Variants in ENTREP2 observed in about 807,000 individuals in gnomAD.
ENTREP2 encodes the protein protein ENTREP2.
chr15:29,674,974 C>G, the ENTREP2 span: 2 of 153,364 alleles, frequency 1.3e-5, no homozygotes, highest in African/African-American at 4.8e-5. Context: ...CTTCCCCTCT[C>G]CGCCACCCCG....
At chr15:29,574,552 G>C in the ENTREP2 span, among the ~76,000 whole-genome samples, 5 of 152,122 alleles carry the variant, frequency 3.3e-5, no homozygotes, top group Non-Finnish European at 7.4e-5. Flanking sequence ...TTGGCCTCCC[G>C]AAGTACTGGG....
At chr15:29,508,051 A>T in the ENTREP2 span, among the ~76,000 whole-genome samples, 1 of 152,182 alleles carries the variant, frequency 6.6e-6, no homozygotes, top group East Asian at 1.9e-4. Context: ...ACACAATAAA[A>T]AATGATAAAG....
the ENTREP2 span, among the ~76,000 whole-genome samples, chr15:29,516,539 G>C: frequency 2.0e-5 from 3 of 151,932 alleles, no homozygotes; most frequent in African/African-American, 7.3e-5. Flanking sequence ...TAAAAACTTG[G>C]ACAAGAAGAA....
chr15:29,430,638 A>T, the ENTREP2 span, among the ~76,000 whole-genome samples: 1 of 151,550 alleles, frequency 6.6e-6, no homozygotes, highest in South Asian at 2.1e-4. Flanking sequence ...CAACAGAGTG[A>T]GACTCCATCT....
the ENTREP2 span, chr15:29,269,397 C>T: frequency 3.1e-6 from 5 of 1,614,180 alleles, no homozygotes; most frequent in South Asian, 5.5e-5. Flanking sequence ...TGATCGGAAT[C>T]TTCTTCTGGT....
chr15:29,448,532 T>C, the ENTREP2 span, among the ~76,000 whole-genome samples: 5 of 152,338 alleles, frequency 3.3e-5, no homozygotes, highest in Admixed American at 3.3e-4. Context: ...TTCTACAGTG[T>C]CCTAGTACTG....
chr15:29,201,290 C>T, the ENTREP2 span, among the ~76,000 whole-genome samples: 1 of 152,086 alleles, frequency 6.6e-6, no homozygotes, highest in African/African-American at 2.4e-5. Context: ...ACTACATTGG[C>T]TTGAAATTAC....
the ENTREP2 span, among the ~76,000 whole-genome samples, chr15:29,416,972 G>A: frequency 1.1e-4 from 17 of 152,100 alleles, no homozygotes; most frequent in Admixed American, 2.0e-4. Flanking sequence ...TTAGGATGGC[G>A]ATCATTAAAA....
chr15:29,495,722 T>C, the ENTREP2 span, among the ~76,000 whole-genome samples: 1 of 152,196 alleles, frequency 6.6e-6, no homozygotes, highest in Non-Finnish European at 1.5e-5. Context: ...TGACCATATA[T>C]GCATGGGTTT....
chr15:29,415,065 C>A, the ENTREP2 span, among the ~76,000 whole-genome samples: 1 of 152,240 alleles, frequency 6.6e-6, no homozygotes, highest in South Asian at 2.1e-4. Flanking sequence ...CCGAATTCTA[C>A]CAGAGGTACA....
chr15:29,347,344 A>AT, the ENTREP2 span, among the ~76,000 whole-genome samples: 2 of 151,794 alleles, frequency 1.3e-5, no homozygotes, highest in East Asian at 3.9e-4. Context: ...ATTTTATTTT[A>AT]TTTTTTATAG....
the ENTREP2 span, among the ~76,000 whole-genome samples, chr15:29,381,009 TC>T: frequency 1.3e-5 from 2 of 151,470 alleles, no homozygotes; most frequent in Admixed American, 6.6e-5. Context: ...CCGCCAACAT[TC>T]CCCGGCTAAT....
chr15:29,449,537 A>G, the ENTREP2 span, among the ~76,000 whole-genome samples: 1 of 152,252 alleles, frequency 6.6e-6, no homozygotes, highest in Admixed American at 6.5e-5. Flanking sequence ...CCTTTATAGG[A>G]CAAAAACCTC....
the ENTREP2 span, among the ~76,000 whole-genome samples, chr15:29,125,479 C>G: frequency 6.6e-6 from 1 of 152,116 alleles, no homozygotes; most frequent in Non-Finnish European, 1.5e-5. Flanking sequence ...TTCAGGGACT[C>G]GGTTCCGGGC....
chr15:29,134,254 A>G, the ENTREP2 span, among the ~76,000 whole-genome samples: 3 of 152,292 alleles, frequency 2.0e-5, no homozygotes, highest in East Asian at 5.8e-4. Context: ...GAACATCTCC[A>G]TTACTGCCAG....
the ENTREP2 span, among the ~76,000 whole-genome samples, chr15:29,205,941 C>T: frequency 6.6e-6 from 1 of 152,190 alleles, no homozygotes; most frequent in Non-Finnish European, 1.5e-5. Flanking sequence ...CAGAGGTAAG[C>T]ATCTCACTTG....
chr15:29,167,556 A>T, the ENTREP2 span, among the ~76,000 whole-genome samples: 3 of 152,206 alleles, frequency 2.0e-5, no homozygotes, highest in African/African-American at 7.2e-5. Context: ...GCCAACAAAC[A>T]TATGAAAAAA....
chr15:29,503,216 G>C, the ENTREP2 span, among the ~76,000 whole-genome samples: 1 of 152,116 alleles, frequency 6.6e-6, no homozygotes, highest in Non-Finnish European at 1.5e-5. Context: ...ATTGATAAAT[G>C]GTTAAACAAA....
chr15:29,288,428 C>T, the ENTREP2 span, among the ~76,000 whole-genome samples: 13 of 152,226 alleles, frequency 8.5e-5, no homozygotes, highest in African/African-American at 2.9e-4. Context: ...GGCCTCTACA[C>T]TGGCTGTTCT....
Sources: gnomAD v4.1 joint callset for allele counts (sites outside exome capture counted in the v4.1 genomes callset) on GRCh38, gnomAD v4.1.1 for gene constraint, MANE v1.5 for transcripts, NCBI Gene and HGNC (gene_info 2026-07-23, HGNC 2026-07-21) for gene names.